NELL2: variants seen among roughly 807,000 people sequenced by gnomAD.
The protein encoded by NELL2 is protein kinase C-binding protein NELL2.
Under a neutral mutation model 109.6 loss-of-function variants are expected in NELL2, and 41 were observed. That is an observed-to-expected ratio of 0.37 (90% CI 0.29 to 0.49). The LOEUF (loss-of-function observed/expected upper bound fraction) is 0.49. NELL2 is among the 20% of genes least tolerant of loss of function. The pLI is 0.98. For synonymous variants in NELL2, 355 were observed against 344.7 expected (o/e 1.03, Z -0.33); for missense variants, 900 against 1,008.3 (o/e 0.89, Z 1.45).
chr12:44,801,948 A>ATCG (rs1942845155), intron 3 of NELL2, among the ~76,000 whole-genome samples: 1 of 119,190 alleles, frequency 8.4e-6, no homozygotes, highest in Non-Finnish European at 1.9e-5. Flanking sequence ...ACTTCTCATC[A>ATCG]CTTTGTCATT....
chr12:44,790,237 T>C (rs1309303170), intron 3 of NELL2, among the ~76,000 whole-genome samples: 3 of 152,118 alleles, frequency 2.0e-5, no homozygotes, highest in Admixed American at 6.5e-5. Flanking sequence ...AAGCACCAGG[T>C]AACCTATAAA....
In NELL2 at chr12:44,777,297, G is replaced by C; in HGVS notation, c.624C>G (p.Val208=). 1 of 1,613,448 alleles carries C rather than the reference G, an allele frequency of 6.2e-7. No individual in the cohort carries two copies. The highest frequency in any genetic ancestry group is 8.5e-7 in the Non-Finnish European group (1 of 1,179,504). The change falls in exon 6 of 20, where the codon GTC becomes GTG. Residue 208 remains valine (V), a synonymous_variant. Coordinates refer to ENST00000429094, the MANE Select transcript of NELL2 (RefSeq NM_001145108.2). The stretch of plus-strand genomic sequence containing the variant: ...ATCCCTGGGGCATGACAAGTAATTG[G>C]ACATCTTGCATTATACCCTGTGTGT... ...HGYFKGIMQD[V]QLLVMPQGFI...
intron 12 of NELL2, among the ~76,000 whole-genome samples, chr12:44,673,759 T>C (rs573508841): frequency 6.6e-6 from 1 of 152,344 alleles, no homozygotes; most frequent in African/African-American, 2.4e-5. Context: ...GAAGCCAGCA[T>C]TTCACAAGCA....
At chr12:44,769,473 G>A (rs759395444) in intron 9 of NELL2, among the ~76,000 whole-genome samples, 1 of 152,018 alleles carries the variant, frequency 6.6e-6, no homozygotes, top group Non-Finnish European at 1.5e-5. Context: ...TGTGGGTGAG[G>A]GTGTGGGGCA....
rs972100574 is a variant in NELL2 at position 44,582,830 on chromosome 12, G to A, written c.1663+24339C>T. ...CAGTGTTGGGAGATAAGGCCCAACAGGAGGTGATTAGGTCATGAGGATCCT... is the reference window on the plus strand; with the variant it reads ...CAGTGTTGGGAGATAAGGCCCAACAAGAGGTGATTAGGTCATGAGGATCCT... On this transcript the variant is annotated intron_variant, in intron 15 of 19. Coordinates refer to ENST00000429094, the MANE Select transcript of NELL2 (RefSeq NM_001145108.2). Among the ~76,000 whole-genome samples, 5 of 152,100 alleles carry A rather than the reference G, an allele frequency of 3.3e-5. No homozygotes were observed. In the East Asian group the frequency reaches 5.8e-4, roughly 18 times the overall value.
intron 13 of NELL2, among the ~76,000 whole-genome samples, chr12:44,644,917 T>A (rs1947036213): frequency 6.6e-6 from 1 of 151,814 alleles, no homozygotes; most frequent in African/African-American, 2.4e-5. Context: ...TTTGTGACTG[T>A]TAGCTTCTGA....
chr12:44,692,695 T>G (rs1373221417), intron 12 of NELL2, among the ~76,000 whole-genome samples: 1 of 152,118 alleles, frequency 6.6e-6, no homozygotes, highest in East Asian at 1.9e-4. Context: ...ATAAGTTGAT[T>G]CCAGCCCTCA....
chr12:44,723,382 T>C (rs1938895486), intron 9 of NELL2, among the ~76,000 whole-genome samples: 1 of 152,194 alleles, frequency 6.6e-6, no homozygotes, highest in Non-Finnish European at 1.5e-5. Context: ...TCCAGAGATA[T>C]TCAGTAGAAG....
intron 9 of NELL2, among the ~76,000 whole-genome samples, chr12:44,768,499 C>A (rs912956407): frequency 4.1e-5 from 6 of 147,470 alleles, no homozygotes; most frequent in Non-Finnish European, 7.5e-5. Flanking sequence ...GTCACATATA[C>A]CTATAGAATT....
At chr12:44,520,340 G>A (rs1267778002) in intron 18 of NELL2, 111 bp from the exon 19 acceptor site, 2 of 779,830 alleles carry the variant, frequency 2.6e-6, no homozygotes, top group East Asian at 5.4e-5. Flanking sequence ...TTATTTGATT[G>A]ATATTTAAAC....
chr12:44,596,425 CT>C (rs1565989802), intron 15 of NELL2, among the ~76,000 whole-genome samples: 1 of 152,046 alleles, frequency 6.6e-6, no homozygotes, highest in East Asian at 1.9e-4. Context: ...ATTACTTAAT[CT>C]TTTTCAACCT....
Position 44,570,907 on chromosome 12 carries a change from GGTACT to G in NELL2, c.1663+36257_1663+36261del, listed in dbSNP as rs144653907. On this transcript the variant is annotated intron_variant, in intron 15 of 19. Transcript: ENST00000429094. Reference sequence around the variant, plus strand: ...AACCAAATTTAGCAAAATGTTGTATGGTACTGCTTTCTTGCCTTGTAAAGACAGCT... The same window carrying G: ...AACCAAATTTAGCAAAATGTTGTATGGCTTTCTTGCCTTGTAAAGACAGCT... 4.5e-3 allele frequency among the ~76,000 whole-genome samples: 691 copies of G among 152,194 alleles called. 5 individuals are homozygous for G. Among genetic ancestry groups the G allele is most frequent in the African/African-American group, 0.016 (650 of 41,508 alleles).
At chr12:44,555,863 G>A (rs751058810) in intron 15 of NELL2, among the ~76,000 whole-genome samples, 4 of 152,088 alleles carry the variant, frequency 2.6e-5, no homozygotes, top group African/African-American at 9.7e-5. Flanking sequence ...TTTTATCAGT[G>A]GGGGATTGAT....
At chr12:44,812,666 CAAG>C (rs897523358) in intron 3 of NELL2, among the ~76,000 whole-genome samples, 3 of 151,744 alleles carry the variant, frequency 2.0e-5, no homozygotes, top group Middle Eastern at 3.2e-3. Context: ...ATAGCTTCAG[CAAG>C]AAGAACAGGA....
At chr12:44,731,545 CT>C (rs1243246458) in intron 9 of NELL2, among the ~76,000 whole-genome samples, 1 of 151,962 alleles carries the variant, frequency 6.6e-6, no homozygotes, top group Non-Finnish European at 1.5e-5. Flanking sequence ...ATTCAACACC[CT>C]TTTATGATTA....
At chr12:44,897,037 G>T (rs1945600794) in intron 1 of NELL2, among the ~76,000 whole-genome samples, 1 of 152,140 alleles carries the variant, frequency 6.6e-6, no homozygotes, top group Admixed American at 6.5e-5. Flanking sequence ...AAATCTGCTG[G>T]TACTATTGAC....
chr12:44,860,684 C>T (rs1171950920), intron 2 of NELL2, among the ~76,000 whole-genome samples: 1 of 127,414 alleles, frequency 7.8e-6, no homozygotes, highest in African/African-American at 2.9e-5. Flanking sequence ...TACATTGGGC[C>T]CAGCTAGATA....
intron 9 of NELL2, among the ~76,000 whole-genome samples, chr12:44,757,628 C>A (rs1443478713): frequency 6.6e-6 from 1 of 152,066 alleles, no homozygotes; most frequent in East Asian, 1.9e-4. Flanking sequence ...AAAAAACAGG[C>A]ACTTCCAGAT....
chr12:44,751,323 T>C (rs142168989), intron 9 of NELL2, among the ~76,000 whole-genome samples: 247 of 152,348 alleles, frequency 1.6e-3, no homozygotes, highest in African/African-American at 5.6e-3. Flanking sequence ...TTGTTCTTTA[T>C]ATTCTATTTT....
Sources: gnomAD v4.1 joint callset for allele counts (sites outside exome capture counted in the v4.1 genomes callset) on GRCh38, gnomAD v4.1.1 for gene constraint, MANE v1.5 for transcripts, NCBI Gene and HGNC (gene_info 2026-07-23, HGNC 2026-07-21) for gene names.